SIGLEC5: variants seen among roughly 807,000 people sequenced by gnomAD.
The protein encoded by SIGLEC5 is sialic acid-binding Ig-like lectin 5.
A neutral mutation model predicts 45.9 loss-of-function variants in SIGLEC5; 34 were observed. The ratio of observed to expected loss-of-function variants is 0.74; its 90% CI spans 0.56 to 0.99. SIGLEC5 has a LOEUF of 0.99. SIGLEC5 is among the 50% of genes least tolerant of loss of function. The pLI is 0.00. For synonymous variants in SIGLEC5, 203 were observed against 258.6 expected, an observed-to-expected ratio of 0.79 and a Z score of 2.06; for missense variants, 508 against 629.6, an observed-to-expected ratio of 0.81 and a Z score of 2.07.
intron 8 of SIGLEC5, among the ~76,000 whole-genome samples, chr19:51,617,142 C>T (rs1011026590): frequency 4.0e-5 from 6 of 151,180 alleles, no homozygotes; most frequent in Admixed American, 1.3e-4. Context: ...GTAGTCCCAA[C>T]TACTCGGAGG....
intron 8 of SIGLEC5, among the ~76,000 whole-genome samples, chr19:51,616,906 C>CATAA (rs1983079232): frequency 2.2e-5 from 1 of 46,402 alleles, no homozygotes; most frequent in Non-Finnish European, 3.4e-5. Flanking sequence ...GTGAGACTGT[C>CATAA]AAAAAAAAAA....
chr19:51,615,272 A>G (rs910238561), intron 8 of SIGLEC5, among the ~76,000 whole-genome samples: 1 of 152,232 alleles, frequency 6.6e-6, no homozygotes. Context: ...ATTTATGATC[A>G]ATCAATCACA....
rs1982899805 is a variant in SIGLEC5, at chr19:51,612,589, C to T, written c.1465-167G>A. Among the ~76,000 whole-genome samples the T allele has an allele frequency of 2.0e-5, 3 of 152,230 alleles. No homozygotes were observed. In the South Asian group the frequency reaches 6.2e-4, roughly 31 times the overall value. ...CCTGGACACAATTTCCAATTCTCTACCTCCTCCCAGTTCCCCAAGGTGGTT... is the reference window on the plus strand; with the variant it reads ...CCTGGACACAATTTCCAATTCTCTATCTCCTCCCAGTTCCCCAAGGTGGTT... On this transcript the variant is annotated intron_variant, in intron 8 of 8. Transcript: ENST00000683636.
chr19:51,617,541 TG>T (rs1983112547), intron 8 of SIGLEC5, among the ~76,000 whole-genome samples: 1 of 152,130 alleles, frequency 6.6e-6, no homozygotes, highest in South Asian at 2.1e-4. Context: ...CAAGAAACAG[TG>T]GGGTGGAGTT....
Position 51,629,990 on chromosome 19 carries a change from G to A in SIGLEC5, c.264C>T (p.Gly88=). The A allele has an allele frequency of 1.1e-6, 1 of 932,466 alleles. No individual in the cohort carries two copies. The highest frequency in any genetic ancestry group is 1.6e-6 in the Non-Finnish European group (1 of 633,802). 57.8% of individuals were successfully genotyped at this position (932,466 alleles called of 1,614,324 possible). A position where few individuals can be genotyped will look rare whatever the true frequency, so the allele number is the denominator to read the frequency against. ...GGACATCCCCAAGGAGGCGGAATCG[G>A]CCCTGGGTCTCTGGCTTCACTCTTC... is the stretch of plus-strand genomic sequence containing the variant. The part of the protein sequence containing the change: ...PDRRVKPETQ[G]RFRLLGDVQK... Residue 88 remains glycine, a synonymous_variant, in exon 2 of 9, where the codon GGC becomes GGT. Coordinates refer to ENST00000683636, the MANE Select transcript of SIGLEC5 (RefSeq NM_003830.4).
At position 51,612,270 on chromosome 19, in the gene SIGLEC5, T is replaced by A. The variant is rs1982879999; in HGVS notation, c.1617A>T (p.Pro539=). 6.2e-7 allele frequency: 1 copy of A among 1,610,916 alleles called. No homozygotes were observed. The highest frequency in any genetic ancestry group is 8.5e-7 in the Non-Finnish European group (1 of 1,178,490). Residue 539 remains proline, a synonymous_variant, in exon 9 of 9, where the codon CCA becomes CCT. Transcript: ENST00000683636. ...TGATCTCCGAGTACTCCGTGGTGCT[T>A]GGGGCCTCCTGGTCCTTAGGCTCCC... ...KSREPKDQEA[P]STTEYSEIKT...
intron 8 of SIGLEC5, among the ~76,000 whole-genome samples, chr19:51,618,792 C>CAAAAAAAAAAAAAAAAAAAAAAAAAAAA (rs398035001): frequency 2.1e-5 from 1 of 48,312 alleles, no homozygotes; most frequent in Non-Finnish European, 3.5e-5. Context: ...ACTCTGTCTC[C>CAAAAAAAAAAAAAAAAAAAAAAAAAAAA]AAAAAAAAAA....
chr19:51,624,315 T>C (rs1170964158), intron 8 of SIGLEC5, among the ~76,000 whole-genome samples: 1 of 152,094 alleles, frequency 6.6e-6, no homozygotes, highest in Non-Finnish European at 1.5e-5. Context: ...TAAAACTAAA[T>C]AGTGGCATAA....
intron 8 of SIGLEC5, among the ~76,000 whole-genome samples, chr19:51,613,363 G>GA: frequency 6.6e-6 from 1 of 152,252 alleles, no homozygotes. Context: ...CCAAATAAGA[G>GA]AAAAATACAA....
intron 8 of SIGLEC5, among the ~76,000 whole-genome samples, chr19:51,622,641 T>C (rs1016117397): frequency 6.6e-6 from 1 of 152,096 alleles, no homozygotes; most frequent in Non-Finnish European, 1.5e-5. Flanking sequence ...GACAAATATA[T>C]AGAATTTTAA....
chr19:51,627,723 AG>A lies in SIGLEC5; in HGVS notation c.1020del (p.Ser341ProfsTer56). The A allele has an allele frequency of 6.3e-7, 1 of 1,592,230 alleles. No individual in the cohort carries two copies. The highest frequency in any genetic ancestry group is 8.6e-7 in the Non-Finnish European group (1 of 1,167,172). Reference sequence around the variant, plus strand: ...AGACCCTCAGCCTCCCAGGAGCAGGAGGGGCCCAGCAACTGTGGGAGGGCTG... The same window carrying A: ...AGACCCTCAGCCTCCCAGGAGCAGGAGGGCCCAGCAACTGTGGGAGGGCTG... ...SVYSLPQLLG[P>X]SCSWEAEGLH... is the part of the protein sequence containing the mutation. On this transcript the variant is annotated frameshift_variant, in exon 6 of 9. Transcript: ENST00000683636. LOFTEE classifies it high-confidence loss of function.
chr19:51,625,984 G>A lies in SIGLEC5; in HGVS notation c.1464+48C>T, dbSNP rs1472932713. On this transcript the variant is annotated intron_variant, in intron 8 of 8. Coordinates refer to ENST00000683636, the MANE Select transcript of SIGLEC5 (RefSeq NM_003830.4). ...GGTGGAATGCTGAAGAGCTCAGCCTGGACTTTCCGAGTGGACATGCACATG... is the reference window on the plus strand; with the variant it reads ...GGTGGAATGCTGAAGAGCTCAGCCTAGACTTTCCGAGTGGACATGCACATG... 4 of 1,500,432 alleles carry A rather than the reference G, an allele frequency of 2.7e-6. No individual in the cohort carries two copies. In the African/African-American group the frequency reaches 5.5e-5, roughly 21 times the overall value. 92.9% of individuals were successfully genotyped at this position (1,500,432 alleles called of 1,614,324 possible).
At position 51,612,101 on chromosome 19, in the gene SIGLEC5, G is replaced by T; in HGVS notation, c.*130C>A. The T allele has an allele frequency of 1.2e-5, 2 of 161,402 alleles. No homozygotes were observed. The highest frequency in any genetic ancestry group is 2.1e-5 in the Non-Finnish European group (2 of 97,408). 10.0% of individuals were successfully genotyped at this position (161,402 alleles called of 1,614,324 possible). A position where few individuals can be genotyped will look rare whatever the true frequency, so the allele number is the denominator to read the frequency against. Reference sequence around the variant, plus strand: ...ACCTCTCTAATTCCATCTGCTTGGAGCACTTAAACATCAGTTAATGTTAAC... The same window carrying T: ...ACCTCTCTAATTCCATCTGCTTGGATCACTTAAACATCAGTTAATGTTAAC... On this transcript the variant is annotated 3_prime_UTR_variant, in exon 9 of 9. Coordinates refer to ENST00000683636, the MANE Select transcript of SIGLEC5 (RefSeq NM_003830.4).
rs1258626889 is a variant in SIGLEC5 at position 51,627,704 on chromosome 19, T to A, written c.1040A>T (p.Glu347Val). ...LLGPSCSWEAEGLHCRCSFRA... is the reference protein window; with the variant it reads ...LLGPSCSWEAVGLHCRCSFRA... ...AAAGGAGCATCTGCAGTGCAGACCCTCAGCCTCCCAGGAGCAGGAGGGGCC... is the reference window on the plus strand; with the variant it reads ...AAAGGAGCATCTGCAGTGCAGACCCACAGCCTCCCAGGAGCAGGAGGGGCC... The change falls in exon 6 of 9, where the codon GAG (glutamate) becomes GTG (valine). Residue 347 changes from glutamate (E) to valine (V), a missense_variant. Coordinates refer to ENST00000683636, the MANE Select transcript of SIGLEC5 (RefSeq NM_003830.4). The A allele has an allele frequency of 6.2e-7, 1 of 1,602,358 alleles. No individual in the cohort carries two copies. Among genetic ancestry groups the A allele is most frequent in the East Asian group, 2.2e-5 (1 of 44,698 alleles).
chr19:51,617,805 T>C (rs1225976462), intron 8 of SIGLEC5, among the ~76,000 whole-genome samples: 2 of 152,040 alleles, frequency 1.3e-5, no homozygotes, highest in Non-Finnish European at 2.9e-5. Context: ...GTATATTTTT[T>C]AAAAAATCAA....
chr19:51,619,944 AAAAG>A (rs1458352425), intron 8 of SIGLEC5, among the ~76,000 whole-genome samples: 6 of 152,090 alleles, frequency 3.9e-5, no homozygotes, highest in Non-Finnish European at 8.8e-5. Flanking sequence ...TAGCTAGAAA[AAAAG>A]AAAGAAGTCA....
chr19:51,628,974 T>G (rs1983619495), intron 4 of SIGLEC5, 64 bp downstream of exon 4: 1 of 1,472,826 alleles, frequency 6.8e-7, no homozygotes, highest in African/African-American at 1.4e-5. Flanking sequence ...GCTCTGATTC[T>G]CTACCTCTGC....
At position 51,612,535 on chromosome 19, in the gene SIGLEC5, T is replaced by C. The variant is rs73562863; in HGVS notation, c.1465-113A>G. 3.3e-3 allele frequency: 2,603 copies of C among 778,092 alleles called. 43 individuals are homozygous for C. The African/African-American group carries it at 0.042, about 13-fold the overall frequency. The allele number at this position is 778,092 out of a possible 1,614,324, so 48.2% of individuals were successfully genotyped here. On this transcript the variant is annotated intron_variant, in intron 8 of 8. Transcript: ENST00000683636. ...GATTTATTTTGAATGTAAGTTGGACTTTCTCATGCCAGAAGCAGGGCTTAG... is the reference window on the plus strand; with the variant it reads ...GATTTATTTTGAATGTAAGTTGGACCTTCTCATGCCAGAAGCAGGGCTTAG...
chr19:51,618,792 CAAAAAAAAAA>C (rs398035001), intron 8 of SIGLEC5, among the ~76,000 whole-genome samples: 1 of 48,312 alleles, frequency 2.1e-5, no homozygotes, highest in African/African-American at 8.3e-5. Flanking sequence ...ACTCTGTCTC[CAAAAAAAAAA>C]AAAAAAAAAA....
Sources: gnomAD v4.1 joint callset for allele counts (sites outside exome capture counted in the v4.1 genomes callset) on GRCh38, gnomAD v4.1.1 for gene constraint, MANE v1.5 for transcripts, NCBI Gene and HGNC (gene_info 2026-07-23, HGNC 2026-07-21) for gene names.